The following MTMR9 variants were observed in gnomAD, a reference collection of about 807,000 sequenced individuals.
MTMR9 encodes myotubularin related protein 9.
A neutral mutation model predicts 69.5 loss-of-function variants in MTMR9; 39 were observed. The observed-to-expected ratio is 0.56, with a 90% CI of 0.43 to 0.73. The LOEUF (loss-of-function observed/expected upper bound fraction) is 0.73, where lower values mean the gene tolerates loss of function less well. Ranked by LOEUF, MTMR9 falls within the 30% of genes least tolerant of loss-of-function variation. MTMR9 has a pLI of 0.00. For missense variants in MTMR9, 900 were observed against 671.2 expected (o/e 1.34, Z -3.77); for synonymous variants, 354 against 240.8 (o/e 1.47, Z -4.35).
chr8:11,309,736 A>G lies in MTMR9; in HGVS notation c.971+48A>G, dbSNP rs113868209. The G allele has an allele frequency of 1.8e-3, 2,881 of 1,593,544 alleles. 35 individuals carry two copies. The African/African-American group carries it at 0.031, about 17-fold the overall frequency. ...TGAGCGAAACATGGCGCTGCTAACT[A>G]GACTTTGTGTTTATCCAGACATATG... On this transcript the variant is annotated intron_variant, in intron 6 of 9. Transcript: ENST00000221086.
chr8:11,292,499 A>G (rs1799408057), intron 1 of MTMR9, among the ~76,000 whole-genome samples: 1 of 152,150 alleles, frequency 6.6e-6, no homozygotes, highest in South Asian at 2.1e-4. Flanking sequence ...TCTTGTCAGC[A>G]TTTGCTATGG....
At chr8:11,296,936 T>G (rs1042640046) in intron 2 of MTMR9, among the ~76,000 whole-genome samples, 1 of 152,160 alleles carries the variant, frequency 6.6e-6, no homozygotes, top group African/African-American at 2.4e-5. Flanking sequence ...TAATAGAAAT[T>G]TTACTTGGTT....
chr8:11,331,626 G>A (rs758270621), downstream of MTMR9: 8 of 1,612,868 alleles, frequency 5.0e-6, no homozygotes, highest in Admixed American at 1.2e-4. Context: ...CATCATTCTG[G>A]GACCTGGACT....
In MTMR9 at chr8:11,284,928, A is replaced by G. The variant is rs527503354; in HGVS notation, c.40A>G (p.Asn14Asp). The change falls in exon 1 of 10, where the codon AAT becomes GAT. Residue 14 changes from asparagine to aspartate, a missense_variant. Transcript: ENST00000221086. Reference protein sequence around the residue: ...AELIKTPRVDNVVLHRPFYPA... With the variant: ...AELIKTPRVDDVVLHRPFYPA... ...GCTGATTAAGACCCCGCGGGTGGAC[A>G]ATGTGGTGCTGCACCGGCCTTTCTA... is the stretch of plus-strand genomic sequence containing the variant. 1.9e-6 allele frequency: 3 copies of G among 1,612,426 alleles called. No homozygotes were observed. The Admixed American group carries it at 5.0e-5, about 27-fold the overall frequency.
chr8:11,313,567 C>A (rs538893547), intron 6 of MTMR9, among the ~76,000 whole-genome samples: 3 of 152,294 alleles, frequency 2.0e-5, no homozygotes, highest in African/African-American at 7.2e-5. Context: ...TGCTACTCTT[C>A]CTTTCATTTG....
chr8:11,321,595 C>T (rs560063225), intron 9 of MTMR9: 1 of 431,090 alleles, frequency 2.3e-6, no homozygotes, highest in African/African-American at 2.0e-5. Flanking sequence ...GCTCCTCAAC[C>T]TAGAGCTGGG....
chr8:11,294,541 A>T (rs1799480990), intron 1 of MTMR9, among the ~76,000 whole-genome samples: 1 of 132,236 alleles, frequency 7.6e-6, no homozygotes, highest in Admixed American at 8.2e-5. Flanking sequence ...CAACTCTGTC[A>T]CCTAGGCTGG....
downstream of MTMR9, among the ~76,000 whole-genome samples, chr8:11,328,943 G>T (rs907396373): frequency 1.3e-5 from 2 of 152,144 alleles, no homozygotes; most frequent in Non-Finnish European, 2.9e-5. Context: ...AATCCATTCT[G>T]TATTAATTTT....
chr8:11,297,694 C>T (rs1585113568), intron 2 of MTMR9, among the ~76,000 whole-genome samples: 1 of 152,060 alleles, frequency 6.6e-6, no homozygotes, highest in Non-Finnish European at 1.5e-5. Context: ...GTGCTACCCA[C>T]TTGCTGACGC....
intron 9 of MTMR9, 62 bp from the exon 10 acceptor site, chr8:11,322,563 T>G: frequency 7.2e-7 from 1 of 1,389,474 alleles, no homozygotes; most frequent in Non-Finnish European, 1.0e-6. Context: ...TATCCACAAA[T>G]GTAATTTTAA....
At chr8:11,289,608 A>G (rs1329564981) in intron 1 of MTMR9, among the ~76,000 whole-genome samples, 9 of 150,770 alleles carry the variant, frequency 6.0e-5, no homozygotes, top group Non-Finnish European at 1.0e-4. Context: ...CCTAATTTTC[A>G]CTCCCGTTTC....
At chr8:11,308,383 A>G (rs1056934018) in intron 5 of MTMR9, among the ~76,000 whole-genome samples, 4 of 152,166 alleles carry the variant, frequency 2.6e-5, no homozygotes, top group African/African-American at 7.2e-5. Flanking sequence ...ATTCTGTTCC[A>G]TTAGTCAATG....
chr8:11,314,855 T>A, intron 6 of MTMR9, 68 bp from the exon 7 acceptor site: 1 of 1,511,298 alleles, frequency 6.6e-7, no homozygotes, highest in South Asian at 1.1e-5. Flanking sequence ...TAAACGCTTG[T>A]TATTAACAGA....
chr8:11,284,859 T>A lies in MTMR9; in HGVS notation c.-30T>A. ...GGTAACCGCCTCGCACCTACCGGGC[T>A]CGGTTCCCTGGCTCCGGCCGCGGGG... On this transcript the variant is annotated 5_prime_UTR_variant, in exon 1 of 10. Coordinates refer to ENST00000221086, the MANE Select transcript of MTMR9 (RefSeq NM_015458.4). The A allele has an allele frequency of 1.3e-6, 2 of 1,555,354 alleles. No individual in the cohort carries two copies. The highest frequency in any genetic ancestry group is 1.7e-6 in the Non-Finnish European group (2 of 1,154,716).
At position 11,324,222 on chromosome 8, in the gene MTMR9, C is replaced by A. The variant is rs957962097; in HGVS notation, c.*1434C>A. 6.6e-6 allele frequency: 1 copy of A among 152,146 alleles called. No individual in the cohort carries two copies. The highest frequency in any genetic ancestry group is 1.5e-5 in the Non-Finnish European group (1 of 68,026). 9.4% of individuals were successfully genotyped at this position (152,146 alleles called of 1,614,324 possible). On this transcript the variant is annotated 3_prime_UTR_variant, in exon 10 of 10. Transcript: ENST00000221086. Reference sequence around the variant, plus strand: ...TTTTTTAAAAATTGACTAGCAAAATCTATGGCCACACTGAGAAGCCTTTGA... The same window carrying A: ...TTTTTTAAAAATTGACTAGCAAAATATATGGCCACACTGAGAAGCCTTTGA...
intron 1 of MTMR9, among the ~76,000 whole-genome samples, chr8:11,294,488 C>G (rs1412810694): frequency 7.6e-6 from 1 of 131,466 alleles, no homozygotes; most frequent in Non-Finnish European, 1.5e-5. Flanking sequence ...TAGATTTTGT[C>G]AAATACTTTC....
chr8:11,287,390 A>G (rs529408942), intron 1 of MTMR9, among the ~76,000 whole-genome samples: 1 of 152,314 alleles, frequency 6.6e-6, no homozygotes, highest in Non-Finnish European at 1.5e-5. Context: ...AAGAAGAAGC[A>G]GATGAGCCAT....
rs753050669 is a variant in MTMR9 at position 11,309,531 on chromosome 8, C to T, written c.814C>T (p.His272Tyr). The T allele has an allele frequency of 5.4e-5, 86 of 1,605,384 alleles. 2 individuals carry two copies. The South Asian group carries it at 8.6e-4, about 16-fold the overall frequency. Residue 272 changes from histidine to tyrosine, a missense_variant, in exon 6 of 10, where the codon CAC (histidine) becomes TAC (tyrosine). Coordinates refer to ENST00000221086, the MANE Select transcript of MTMR9 (RefSeq NM_015458.4). ...TTACTTTCTTACTTTTAAAAGGTATCACATTCTTCAGGAGAGCTTAATCAA... is the reference window on the plus strand; with the variant it reads ...TTACTTTCTTACTTTTAAAAGGTATTACATTCTTCAGGAGAGCTTAATCAA... The part of the protein sequence containing the change: ...RRIHKSIERY[H>Y]ILQESLIKLV...
chr8:11,334,323 A>C, the MTMR9 span, among the ~76,000 whole-genome samples: 3 of 152,266 alleles, frequency 2.0e-5, no homozygotes, highest in East Asian at 3.8e-4. Flanking sequence ...AGGCATAAAA[A>C]TAAATGTTAT....
Sources: allele counts gnomAD v4.1 joint callset (sites outside exome capture counted in the v4.1 genomes callset), GRCh38; gene constraint gnomAD v4.1.1; transcripts MANE v1.5; gene names NCBI Gene and HGNC (gene_info 2026-07-23, HGNC 2026-07-21).